The following PAM16 variants were observed in gnomAD, a reference collection of about 807,000 sequenced individuals.
The protein encoded by PAM16 is presequence translocase associated motor 16, also known as mitochondrial import inner membrane translocase subunit TIM16.
PAM16 carries 11 observed loss-of-function variants against 17.9 expected under a neutral mutation model. The ratio of observed to expected loss-of-function variants is 0.62; its 90% confidence interval spans 0.39 to 1.02. The LOEUF is 1.02. Among genes scored for constraint, PAM16 ranks in the 50% least tolerant of loss-of-function variants. The pLI, the probability that PAM16 is intolerant of heterozygous loss-of-function variation, is 0.01. For synonymous variants in PAM16, 72 were observed against 67.4 expected (o/e 1.07, Z -0.34); for missense variants, 199 against 165.4 (o/e 1.20, Z -1.11).
intron 1 of PAM16, among the ~76,000 whole-genome samples, chr16:4,350,727 G>A (rs2053838616): frequency 1.3e-5 from 2 of 152,266 alleles, no homozygotes; most frequent in South Asian, 2.1e-4. Context: ...GCTACCCTAG[G>A]TGACCTGACA....
intron 1 of PAM16, chr16:4,343,785 C>T: frequency 7.4e-6 from 3 of 403,892 alleles, no homozygotes; most frequent in East Asian, 3.6e-5. Context: ...ACTTTAAGTC[C>T]ATTCCATTCA....
intron 1 of PAM16, among the ~76,000 whole-genome samples, chr16:4,345,036 C>T (rs756862100): frequency 1.3e-5 from 2 of 151,832 alleles, no homozygotes; most frequent in African/African-American, 2.4e-5. Flanking sequence ...GGGAATCTGG[C>T]GGATGACATG....
chr16:4,341,775 C>T, intron 2 of PAM16: 1 of 499,466 alleles, frequency 2.0e-6, no homozygotes, highest in Non-Finnish European at 3.6e-6. Context: ...ATGACCCTGT[C>T]CCCCAACCCC....
chr16:4,341,498 C>A lies in PAM16; in HGVS notation c.95G>T (p.Arg32Leu). The A allele has an allele frequency of 6.2e-7, 1 of 1,607,992 alleles. No individual in the cohort carries two copies. Among genetic ancestry groups the A allele is most frequent in the Non-Finnish European group, 8.5e-7 (1 of 1,178,732 alleles). Residue 32 changes from arginine to leucine, a missense_variant, in exon 3 of 5, where the codon CGG (arginine) becomes CTG (leucine). Arg to Leu is a moderately radical substitution (Grantham distance 102). Transcript: ENST00000318059. ...GCGTCCTCGGGCATCAGCTGCGGCC[C>A]GGCTGGCTGTGTGGACATGTGGGTG... is the stretch of plus-strand genomic sequence containing the variant. ...RALRQEFAASRAAADARGRAG... is the reference protein window; with the variant it reads ...RALRQEFAASLAAADARGRAG...
At position 4,340,359 on chromosome 16, in the gene PAM16, G is replaced by A. The variant is rs781091020; in HGVS notation, c.338C>T (p.Ala113Val). 3 of 1,612,962 alleles carry A rather than the reference G, an allele frequency of 1.9e-6. No homozygotes were observed. Among genetic ancestry groups the A allele is most frequent in the South Asian group, 1.1e-5 (1 of 91,084 alleles). Residue 113 changes from alanine to valine, a missense_variant, in exon 5 of 5, where the codon GCC (alanine) becomes GTC (valine). Physicochemically the swap from Ala to Val is moderately conservative, Grantham distance 64. Coordinates refer to ENST00000318059, the MANE Select transcript of PAM16 (RefSeq NM_016069.11). ...CTGCCCTTTTTCTCTGTCCTCCTGG[G>A]CCTGGATTTTGAGTTCCTCATCCAG... ...ERLDEELKIQ[A>V]QEDREKGQMP...
rs564901607 is a variant in PAM16, at chr16:4,344,053, A to C, written c.4-762T>G. On this transcript the variant is annotated intron_variant, in intron 1 of 4. Transcript: ENST00000318059. ...TGGCCTGGCAGGGAACCCCACTGTCACACACCAGGCTGAACATGCCGGAAC... is the reference window on the plus strand; with the variant it reads ...TGGCCTGGCAGGGAACCCCACTGTCCCACACCAGGCTGAACATGCCGGAAC... 514 of 397,904 alleles carry C rather than the reference A, an allele frequency of 1.3e-3. 1 individual carries two copies. Among genetic ancestry groups the C allele is most frequent in the Middle Eastern group, 5.7e-3 (9 of 1,590 alleles). The allele number at this position is 397,904 out of a possible 1,614,324, so 24.6% of individuals were successfully genotyped here.
intron 1 of PAM16, chr16:4,344,110 C>G (rs1276246242): frequency 1.0e-5 from 4 of 397,178 alleles, no homozygotes; most frequent in East Asian, 3.6e-5. Context: ...CCCGCAGAGG[C>G]CCTGGGGACT....
intron 1 of PAM16, chr16:4,348,356 C>A (rs1328144034): frequency 6.6e-6 from 1 of 152,366 alleles, no homozygotes; most frequent in Non-Finnish European, 1.5e-5. Flanking sequence ...AGTAAACACA[C>A]AATTCTCCAC....
At position 4,341,353 on chromosome 16, in the gene PAM16, G is replaced by A. The variant is rs200175872; in HGVS notation, c.225+15C>T. On this transcript the variant is annotated intron_variant, in intron 3 of 4. Coordinates refer to ENST00000318059, the MANE Select transcript of PAM16 (RefSeq NM_016069.11). ...CCTCTCCCTCTCAAACTTTGGGGTG[G>A]CCCAGTGGCCTCACCTTCTGGACCT... 1.9e-4 allele frequency: 301 copies of A among 1,562,320 alleles called. 1 individual carries two copies. In the African/African-American group the frequency reaches 3.0e-3, roughly 15 times the overall value.
intron 2 of PAM16, among the ~76,000 whole-genome samples, chr16:4,342,853 G>A (rs1163454500): frequency 6.6e-6 from 1 of 151,974 alleles, no homozygotes; most frequent in Non-Finnish European, 1.5e-5. Flanking sequence ...CAGCTACTCA[G>A]GAGGCTGAGG....
rs2141144661 is a variant in PAM16, at chr16:4,343,282, G to C, written c.13C>G (p.Leu5Val). The C allele has an allele frequency of 6.2e-7, 1 of 1,611,148 alleles. No individual in the cohort carries two copies. Among genetic ancestry groups the C allele is most frequent in the South Asian group, 1.1e-5 (1 of 90,712 alleles). ...ACGCCCATCACAATGATCTGGGCCAGGTACTTGGCCTGTGGGCAAAGCAGG... is the reference window on the plus strand; with the variant it reads ...ACGCCCATCACAATGATCTGGGCCACGTACTTGGCCTGTGGGCAAAGCAGG... The part of the protein sequence containing the change: MAKY[L>V]AQIIVMGVQV... The change falls in exon 2 of 5, where the codon CTG (leucine) becomes GTG (valine). Residue 5 changes from leucine to valine, a missense_variant. Physicochemically the swap from Leu to Val is conservative, Grantham distance 32. Transcript: ENST00000318059.
At chr16:4,349,784 A>C (rs2053818549) in intron 1 of PAM16, among the ~76,000 whole-genome samples, 1 of 152,034 alleles carries the variant, frequency 6.6e-6, no homozygotes, top group African/African-American at 2.4e-5. Context: ...AAACCAAAAA[A>C]ACCCCATGAG....
chr16:4,343,481 A>G, intron 1 of PAM16, 190 bp from the exon 2 acceptor site: 1 of 1,430,110 alleles, frequency 7.0e-7, no homozygotes, highest in Non-Finnish European at 9.1e-7. Context: ...TTAGTTACTC[A>G]CTGGACAGGC....
intron 1 of PAM16, chr16:4,343,584 G>A (rs1369872734): frequency 2.3e-5 from 32 of 1,382,064 alleles, no homozygotes; most frequent in Non-Finnish European, 2.4e-5. Flanking sequence ...CAAAGTGGCT[G>A]CAACCACCGG....
At chr16:4,344,988 G>A (rs372934859) in intron 1 of PAM16, among the ~76,000 whole-genome samples, 175 of 152,152 alleles carry the variant, frequency 1.2e-3, no homozygotes, top group African/African-American at 3.9e-3. Flanking sequence ...GGGAGTTCCT[G>A]CGAGCAGCCA....
At chr16:4,340,654 C>T (rs1596246921) in intron 4 of PAM16, among the ~76,000 whole-genome samples, 2 of 152,082 alleles carry the variant, frequency 1.3e-5, no homozygotes, top group Non-Finnish European at 2.9e-5. Context: ...CACGGGGGCT[C>T]CTGCTCCTTC....
intron 4 of PAM16, 25 bp from the exon 5 acceptor site, chr16:4,340,430 C>T (rs757860325): frequency 1.7e-5 from 28 of 1,605,296 alleles, no homozygotes; most frequent in African/African-American, 9.4e-5. Flanking sequence ...ATAATCAGGC[C>T]GGGAGGCCAA....
Position 4,343,266 on chromosome 16 carries a change from A to G in PAM16, c.29T>C (p.Val10Ala). The change falls in exon 2 of 5, where the codon GTG (valine) becomes GCG (alanine). Residue 10 changes from valine (V) to alanine (A), a missense_variant. By Grantham distance (64) the Val-to-Ala change is moderately conservative. Coordinates refer to ENST00000318059, the MANE Select transcript of PAM16 (RefSeq NM_016069.11). MAKYLAQII[V>A]MGVQVVGRAF... ...CCTGCCCACCACCTGCACGCCCATC[A>G]CAATGATCTGGGCCAGGTACTTGGC... 5.0e-6 allele frequency: 8 copies of G among 1,612,576 alleles called. No homozygotes were observed. Among genetic ancestry groups the G allele is most frequent in the Non-Finnish European group, 6.8e-6 (8 of 1,179,846 alleles).
chr16:4,344,532 G>C (rs1567231162), intron 1 of PAM16, among the ~76,000 whole-genome samples: 5 of 64,036 alleles, frequency 7.8e-5, no homozygotes, highest in Non-Finnish European at 8.7e-5. Flanking sequence ...GAAGGGGACT[G>C]TGTGAGAGGA....
Sources: gnomAD v4.1 joint callset for allele counts (sites outside exome capture counted in the v4.1 genomes callset) on GRCh38, gnomAD v4.1.1 for gene constraint, MANE v1.5 for transcripts, NCBI Gene and HGNC (gene_info 2026-07-23, HGNC 2026-07-21) for gene names.